The following LOC128462377 variants were observed in gnomAD, a reference collection of about 807,000 sequenced individuals.
At chr16:89,410,551 C>T in the LOC128462377 span, among the ~76,000 whole-genome samples, 1 of 152,172 alleles carries the variant, frequency 6.6e-6, no homozygotes. Context: ...AGGCCACCCT[C>T]TGCCCTCTGC....
chr16:89,407,874 GA>G, the LOC128462377 span, among the ~76,000 whole-genome samples: 1 of 138,520 alleles, frequency 7.2e-6, no homozygotes, highest in African/African-American at 2.7e-5. Flanking sequence ...AAAAAAAAAA[GA>G]AGAAGAAGAA....
the LOC128462377 span, among the ~76,000 whole-genome samples, chr16:89,381,183 T>C: frequency 6.6e-6 from 1 of 151,732 alleles, no homozygotes; most frequent in Non-Finnish European, 1.5e-5. Context: ...ATAAAAATAA[T>C]AAGCTGGGCA....
At chr16:89,326,059 G>A in the LOC128462377 span, among the ~76,000 whole-genome samples, 7 of 152,206 alleles carry the variant, frequency 4.6e-5, no homozygotes, top group African/African-American at 1.4e-4. Flanking sequence ...ACGAAGGGGA[G>A]GAGGAGCAAG....
the LOC128462377 span, among the ~76,000 whole-genome samples, chr16:89,364,128 G>A: frequency 6.6e-6 from 1 of 152,164 alleles, no homozygotes; most frequent in Non-Finnish European, 1.5e-5. Context: ...AAGACATGGA[G>A]CCTTTCTTTC....
At chr16:89,395,269 G>A in the LOC128462377 span, among the ~76,000 whole-genome samples, 1 of 152,352 alleles carries the variant, frequency 6.6e-6, no homozygotes, top group Admixed American at 6.5e-5. Flanking sequence ...GAAGGGCTGC[G>A]TACTGCCAGA....
the LOC128462377 span, among the ~76,000 whole-genome samples, chr16:89,413,378 C>A: frequency 6.6e-6 from 1 of 152,174 alleles, no homozygotes; most frequent in East Asian, 1.9e-4. Flanking sequence ...GTAATCCCAG[C>A]ACTTTGGGAG....
chr16:89,408,514 C>G, the LOC128462377 span, among the ~76,000 whole-genome samples: 1 of 152,224 alleles, frequency 6.6e-6, no homozygotes, highest in South Asian at 2.1e-4. Flanking sequence ...TCTGGCACAC[C>G]GCAGGCCAGC....
the LOC128462377 span, among the ~76,000 whole-genome samples, chr16:89,347,347 T>C: frequency 1.3e-5 from 2 of 152,166 alleles, no homozygotes; most frequent in Admixed American, 1.3e-4. Context: ...CACTGGCTCA[T>C]GCCTGTAATC....
chr16:89,319,892 G>C, the LOC128462377 span: 625 of 152,722 alleles, frequency 4.1e-3, 11 homozygotes, highest in South Asian at 0.036. Flanking sequence ...CCTCCCAGAA[G>C]CTGCCCTGGT....
the LOC128462377 span, among the ~76,000 whole-genome samples, chr16:89,394,960 G>A: frequency 1.3e-5 from 2 of 152,200 alleles, no homozygotes; most frequent in African/African-American, 2.4e-5. Flanking sequence ...GAGCTGATGA[G>A]AGAACCCCCT....
the LOC128462377 span, among the ~76,000 whole-genome samples, chr16:89,317,918 C>T: frequency 5.4e-4 from 82 of 152,282 alleles, 1 homozygote; most frequent in African/African-American, 1.9e-3. Context: ...ACGCCCAGGC[C>T]AAGCCCTGCC....
At chr16:89,342,862 C>T in the LOC128462377 span, among the ~76,000 whole-genome samples, 1 of 152,074 alleles carries the variant, frequency 6.6e-6, no homozygotes, top group Non-Finnish European at 1.5e-5. Flanking sequence ...CGTTTATGCC[C>T]AACTGGCAAA....
At chr16:89,366,180 C>T in the LOC128462377 span, among the ~76,000 whole-genome samples, 1 of 150,662 alleles carries the variant, frequency 6.6e-6, no homozygotes, top group Non-Finnish European at 1.5e-5. Flanking sequence ...TTCATGGCTG[C>T]ACAGTATTCC....
At chr16:89,319,704 G>A in the LOC128462377 span, among the ~76,000 whole-genome samples, 2 of 152,284 alleles carry the variant, frequency 1.3e-5, no homozygotes, top group African/African-American at 4.8e-5. Context: ...TCTGCTGGAT[G>A]TGGATGAAGC....
chr16:89,381,614 T>C, the LOC128462377 span, among the ~76,000 whole-genome samples: 1 of 152,182 alleles, frequency 6.6e-6, no homozygotes, highest in Non-Finnish European at 1.5e-5. Flanking sequence ...AGGAGAACGA[T>C]GAAAGCTGTC....
At chr16:89,338,858 G>T in the LOC128462377 span, among the ~76,000 whole-genome samples, 2 of 151,800 alleles carry the variant, frequency 1.3e-5, no homozygotes. Context: ...TTAGCTAAAA[G>T]GTTTGCCAAA....
At chr16:89,323,707 C>A in the LOC128462377 span, 1 of 290,120 alleles carries the variant, frequency 3.4e-6, no homozygotes, top group Non-Finnish European at 6.7e-6. Flanking sequence ...CCTCCACACA[C>A]CCCTGCACGT....
At chr16:89,395,851 G>A in the LOC128462377 span, 1 of 152,200 alleles carries the variant, frequency 6.6e-6, no homozygotes, top group East Asian at 1.9e-4. Context: ...CTGCTGGGGT[G>A]GTGCGGCAAG....
chr16:89,336,269 G>A, the LOC128462377 span, among the ~76,000 whole-genome samples: 1 of 152,200 alleles, frequency 6.6e-6, no homozygotes, highest in African/African-American at 2.4e-5. Context: ...GTGCCTGGCT[G>A]GGAGCAGGTG....
Sources: allele counts gnomAD v4.1 joint callset (sites outside exome capture counted in the v4.1 genomes callset), GRCh38; gene constraint gnomAD v4.1.1; transcripts MANE v1.5.